The following MS4A8 variants were observed in gnomAD, a reference collection of about 807,000 sequenced individuals.
MS4A8 encodes membrane-spanning 4-domains subfamily A member 8.
In MS4A8, 27 loss-of-function variants were observed where a neutral mutation model predicts 23.7. The ratio of observed to expected loss-of-function variants is 1.14; its 90% CI spans 0.84 to 1.57. MS4A8 has a LOEUF of 1.57. Ranked by LOEUF, MS4A8 falls within the 40% of genes most tolerant of loss-of-function variation. MS4A8 has a pLI of 0.00. For synonymous variants in MS4A8, 138 were observed against 126.3 expected, an observed-to-expected ratio of 1.09 and a Z score of -0.62; for missense variants, 301 against 311.4, an observed-to-expected ratio of 0.97 and a Z score of 0.25.
chr11:60,707,834 TTG>T (rs1177340355), intron 4 of MS4A8, among the ~76,000 whole-genome samples: 1 of 101,940 alleles, frequency 9.8e-6, no homozygotes, highest in Non-Finnish European at 2.0e-5. Context: ...TTTTTTTTTT[TTG>T]TGTGTGTGTG....
At chr11:60,706,302 CA>C (rs2088255349) in intron 3 of MS4A8, among the ~76,000 whole-genome samples, 1 of 152,208 alleles carries the variant, frequency 6.6e-6, no homozygotes, top group Non-Finnish European at 1.5e-5. Context: ...GCAATCCCAT[CA>C]GCCACAGTGC....
At chr11:60,703,327 G>A (rs1297692131) in intron 2 of MS4A8, 51 bp from the exon 3 acceptor site, 4 of 1,483,110 alleles carry the variant, frequency 2.7e-6, no homozygotes, top group Middle Eastern at 1.8e-4. Flanking sequence ...TCATAGGGGA[G>A]GCAGGACCCA....
chr11:60,714,085 C>T lies in MS4A8; in HGVS notation c.535-936C>T, dbSNP rs375823159. ...GACTACAGGCACCCGCCACCGCGCC[C>T]GGCTAATTTTTTGTATTTTTAGTAG... On this transcript the variant is annotated intron_variant, in intron 5 of 6. Coordinates refer to ENST00000300226, the MANE Select transcript of MS4A8 (RefSeq NM_031457.2). 5.6e-3 allele frequency among the ~76,000 whole-genome samples: 835 copies of T among 147,994 alleles called. 55 individuals carry two copies. Among genetic ancestry groups the T allele is most frequent in the African/African-American group, 0.021 (784 of 37,788 alleles).
intron 2 of MS4A8, chr11:60,701,477 A>T: frequency 5.4e-6 from 2 of 368,662 alleles, no homozygotes; most frequent in Non-Finnish European, 1.1e-5. Flanking sequence ...AAAGCAGGTT[A>T]GGCAACCAAC....
At chr11:60,713,275 T>C (rs7121667) in intron 5 of MS4A8, among the ~76,000 whole-genome samples, 6,980 of 152,052 alleles carry the variant, frequency 0.046, 507 homozygotes, top group African/African-American at 0.16. Context: ...AGAGATAAAG[T>C]ACAGAGAAAG....
chr11:60,713,038 A>G (rs934802409), intron 5 of MS4A8, among the ~76,000 whole-genome samples: 1 of 152,044 alleles, frequency 6.6e-6, no homozygotes, highest in Non-Finnish European at 1.5e-5. Context: ...ACCTCCTGCT[A>G]TGGTTAATTT....
At chr11:60,706,572 T>C (rs978747527) in intron 3 of MS4A8, among the ~76,000 whole-genome samples, 2 of 152,176 alleles carry the variant, frequency 1.3e-5, no homozygotes, top group African/African-American at 4.8e-5. Flanking sequence ...AGGGTGTACT[T>C]GTGGGAAAAT....
intron 5 of MS4A8, among the ~76,000 whole-genome samples, chr11:60,709,923 C>T (rs1234946388): frequency 1.3e-5 from 2 of 152,210 alleles, no homozygotes; most frequent in Non-Finnish European, 2.9e-5. Context: ...AAAGAATTGT[C>T]TACACTTTAG....
intron 4 of MS4A8, 81 bp downstream of exon 4, chr11:60,707,128 G>A (rs777150404): frequency 7.8e-5 from 100 of 1,287,586 alleles, no homozygotes; most frequent in South Asian, 2.3e-4. Flanking sequence ...GGTCACATAC[G>A]ATTCCTCCCC....
chr11:60,701,577 A>T (rs1326557207), intron 2 of MS4A8: 2 of 268,958 alleles, frequency 7.4e-6, no homozygotes, highest in Non-Finnish European at 1.5e-5. Flanking sequence ...GATGGGCATG[A>T]ATTTGGATGC....
intron 3 of MS4A8, 152 bp downstream of exon 3, chr11:60,703,652 G>A (rs1214399225): frequency 1.1e-5 from 9 of 846,748 alleles, no homozygotes; most frequent in Non-Finnish European, 1.4e-5. Flanking sequence ...GCCTCGTTCC[G>A]CAAGCATATT....
Position 60,715,584 on chromosome 11 carries a change from T to C in MS4A8, c.*170T>C, listed in dbSNP as rs1651692152. 4 of 605,702 alleles carry C rather than the reference T, an allele frequency of 6.6e-6. No individual in the cohort carries two copies. The highest frequency in any genetic ancestry group is 1.2e-5 in the Non-Finnish European group (4 of 343,572). The allele number at this position is 605,702 out of a possible 1,614,324, so 37.5% of individuals were successfully genotyped here. A position where few individuals can be genotyped will look rare whatever the true frequency, so the allele number is the denominator to read the frequency against. ...TCAGTCTAGGAAACCATGCTGTTTC[T>C]CTATCAAGAAGAAGACAGAGATTTT... is the stretch of plus-strand genomic sequence containing the variant. On this transcript the variant is annotated 3_prime_UTR_variant, in exon 7 of 7. Coordinates refer to ENST00000300226, the MANE Select transcript of MS4A8 (RefSeq NM_031457.2).
chr11:60,711,736 TTAGGAA>T, intron 5 of MS4A8: 1 of 449,024 alleles, frequency 2.2e-6, no homozygotes, highest in Admixed American at 2.4e-5. Flanking sequence ...GGAGAAGAGT[TTAGGAA>T]AGACTAAACC....
At chr11:60,709,909 C>A (rs2088286883) in intron 5 of MS4A8, among the ~76,000 whole-genome samples, 1 of 152,212 alleles carries the variant, frequency 6.6e-6, no homozygotes, top group Non-Finnish European at 1.5e-5. Flanking sequence ...CAGACAAATT[C>A]TTAAAAGAAT....
intron 5 of MS4A8, 109 bp from the exon 6 acceptor site, chr11:60,714,912 A>G (rs1382874400): frequency 1.3e-6 from 1 of 765,628 alleles, no homozygotes; most frequent in African/African-American, 1.7e-5. Flanking sequence ...CTGAGAGAGG[A>G]TAGGGGACTT....
chr11:60,701,937 G>A (rs2088208342), intron 2 of MS4A8, among the ~76,000 whole-genome samples: 1 of 152,168 alleles, frequency 6.6e-6, no homozygotes, highest in Non-Finnish European at 1.5e-5. Flanking sequence ...AGCTCTTTGT[G>A]TAATGATAGG....
chr11:60,707,039 T>G lies in MS4A8; in HGVS notation c.394T>G (p.Tyr132Asp). 6.2e-7 allele frequency: 1 copy of G among 1,613,752 alleles called. No homozygotes were observed. The highest frequency in any genetic ancestry group is 8.5e-7 in the Non-Finnish European group (1 of 1,179,630). Residue 132 changes from tyrosine (Y) to aspartate (D), a missense_variant, in exon 4 of 7, where the codon TAT becomes GAT. Physicochemically the swap from Tyr to Asp is radical, Grantham distance 160. Coordinates refer to ENST00000300226, the MANE Select transcript of MS4A8 (RefSeq NM_031457.2). The stretch of plus-strand genomic sequence containing the variant: ...GGCAGCAGAAAATCAGCCATATTCT[T>G]ATTGCCTGGTAAGTTACATTCTGAG... ...SVAAENQPYS[Y>D]CLLSGSLGLN...
In MS4A8 at chr11:60,715,491, T is replaced by C; in HGVS notation, c.*77T>C. On this transcript the variant is annotated 3_prime_UTR_variant, in exon 7 of 7. Coordinates refer to ENST00000300226, the MANE Select transcript of MS4A8 (RefSeq NM_031457.2). ...CCTTTCTGGGCTTCCATAACCCAGG[T>C]CGTTCCTGTTCTGACAGCTGAGGAA... 1.8e-6 allele frequency: 2 copies of C among 1,120,158 alleles called. No individual in the cohort carries two copies. The highest frequency in any genetic ancestry group is 2.6e-6 in the Non-Finnish European group (2 of 757,634). 69.4% of individuals were successfully genotyped at this position (1,120,158 alleles called of 1,614,324 possible). A position where few individuals can be genotyped will look rare whatever the true frequency, so the allele number is the denominator to read the frequency against.
At chr11:60,712,427 G>A (rs975514566) in intron 5 of MS4A8, 1 of 985,242 alleles carries the variant, frequency 1.0e-6, no homozygotes. Context: ...AAGGGGCTAA[G>A]GAGAGGCCTC....
Sources: gnomAD v4.1 joint callset for allele counts (sites outside exome capture counted in the v4.1 genomes callset) on GRCh38, gnomAD v4.1.1 for gene constraint, MANE v1.5 for transcripts, NCBI Gene and HGNC (gene_info 2026-07-23, HGNC 2026-07-21) for gene names.